The following NKAIN2 variants were observed in gnomAD, a reference collection of about 807,000 sequenced individuals.
NKAIN2 encodes the protein sodium/potassium-transporting ATPase subunit beta-1-interacting protein 2.
Under a neutral mutation model 32.6 loss-of-function variants are expected in NKAIN2, and 14 were observed. The ratio of observed to expected loss-of-function variants is 0.43; its 90% CI spans 0.28 to 0.67. The LOEUF is 0.67. Among genes scored for constraint, NKAIN2 ranks in the 30% least tolerant of loss-of-function variants. The pLI is 0.17. For synonymous variants in NKAIN2, 80 were observed against 87.2 expected, an observed-to-expected ratio of 0.92 and a Z score of 0.46; for missense variants, 198 against 258.3, an observed-to-expected ratio of 0.77 and a Z score of 1.60.
intron 1 of NKAIN2, among the ~76,000 whole-genome samples, chr6:124,197,079 C>A (rs1292413056): frequency 6.6e-6 from 1 of 151,254 alleles, no homozygotes; most frequent in African/African-American, 2.4e-5. Context: ...TTAAAATTTT[C>A]TTTATATATA....
chr6:124,028,886 T>G (rs553308833), intron 1 of NKAIN2, among the ~76,000 whole-genome samples: 1,913 of 28,032 alleles, frequency 0.068, 23 homozygotes, highest in Non-Finnish European at 0.098. Flanking sequence ...TATATATATG[T>G]GTATATATAT....
At chr6:124,159,127 A>G (rs1788141579) in intron 1 of NKAIN2, among the ~76,000 whole-genome samples, 1 of 152,138 alleles carries the variant, frequency 6.6e-6, no homozygotes, top group Admixed American at 6.5e-5. Flanking sequence ...TTCTCTATAC[A>G]TTTCCATATT....
At chr6:123,894,662 C>G (rs1186808960) in intron 1 of NKAIN2, among the ~76,000 whole-genome samples, 1 of 151,924 alleles carries the variant, frequency 6.6e-6, no homozygotes, top group Non-Finnish European at 1.5e-5. Context: ...GGGGGACTTT[C>G]CAGGAGATGA....
chr6:124,426,300 A>C (rs1215295955), intron 3 of NKAIN2, among the ~76,000 whole-genome samples: 4 of 152,310 alleles, frequency 2.6e-5, no homozygotes, highest in African/African-American at 9.6e-5. Flanking sequence ...ATAAGACACT[A>C]AAAACATGAT....
rs1776060137 is a variant in NKAIN2 at position 124,450,496 on chromosome 6, C to T, written c.273+95149C>T. Among the ~76,000 whole-genome samples the T allele has an allele frequency of 2.0e-5, 3 of 151,708 alleles. No individual in the cohort carries two copies. The South Asian group carries it at 6.2e-4, about 32-fold the overall frequency. On this transcript the variant is annotated intron_variant, in intron 3 of 6. Coordinates refer to ENST00000368417, the MANE Select transcript of NKAIN2 (RefSeq NM_001040214.3). Reference sequence around the variant, plus strand: ...ACATTAATAATCCAAATCAACACTGCCATAATAATACTGTTTTTTATTAAT... The same window carrying T: ...ACATTAATAATCCAAATCAACACTGTCATAATAATACTGTTTTTTATTAAT...
At chr6:124,302,514 T>C (rs1796330913) in intron 2 of NKAIN2, among the ~76,000 whole-genome samples, 1 of 152,170 alleles carries the variant, frequency 6.6e-6, no homozygotes, top group Non-Finnish European at 1.5e-5. Flanking sequence ...TGGGTAATGT[T>C]TTTTAAATTT....
chr6:124,196,722 A>C (rs1790333404), intron 1 of NKAIN2, among the ~76,000 whole-genome samples: 1 of 152,090 alleles, frequency 6.6e-6, no homozygotes, highest in African/African-American at 2.4e-5. Flanking sequence ...TATATTTGCA[A>C]ATTTAATTGA....
chr6:124,773,609 A>G (rs1170548424), intron 4 of NKAIN2, among the ~76,000 whole-genome samples: 1 of 152,176 alleles, frequency 6.6e-6, no homozygotes, highest in Non-Finnish European at 1.5e-5. Flanking sequence ...ACAAATTACA[A>G]GTTATATTCA....
chr6:124,058,002 C>T (rs1582552302), intron 1 of NKAIN2, among the ~76,000 whole-genome samples: 1 of 151,882 alleles, frequency 6.6e-6, no homozygotes, highest in African/African-American at 2.4e-5. Context: ...CAGTTGTAAT[C>T]GTGATTGTTT....
chr6:124,530,127 G>A (rs1779467400), intron 3 of NKAIN2, among the ~76,000 whole-genome samples: 1 of 152,156 alleles, frequency 6.6e-6, no homozygotes, highest in Non-Finnish European at 1.5e-5. Context: ...GCCCTGCACT[G>A]TCAAAAATCC....
intron 3 of NKAIN2, among the ~76,000 whole-genome samples, chr6:124,630,825 A>G (rs562673626): frequency 2.6e-5 from 4 of 152,302 alleles, no homozygotes; most frequent in South Asian, 2.1e-4. Context: ...CGAAGTAACA[A>G]TGTAGCACCA....
intron 1 of NKAIN2, among the ~76,000 whole-genome samples, chr6:124,264,498 A>G (rs1794396841): frequency 6.6e-6 from 1 of 152,242 alleles, no homozygotes; most frequent in Non-Finnish European, 1.5e-5. Flanking sequence ...CTAATTAAAA[A>G]TAAGTCTAAT....
chr6:123,884,304 A>C (rs1449449663), intron 1 of NKAIN2, among the ~76,000 whole-genome samples: 2 of 152,188 alleles, frequency 1.3e-5, no homozygotes, highest in Non-Finnish European at 2.9e-5. Flanking sequence ...GTAGCTGTAT[A>C]GTATTCCATG....
chr6:124,711,857 G>C (rs547613665), intron 4 of NKAIN2, among the ~76,000 whole-genome samples: 52 of 152,264 alleles, frequency 3.4e-4, no homozygotes, highest in African/African-American at 1.1e-3. Context: ...TTCCATTGCT[G>C]GTGAGGAACT....
Position 124,341,596 on chromosome 6 carries a change from A to T in NKAIN2, c.193-13671A>T, listed in dbSNP as rs1199898769. ...AAAACATCTATGCAAATATAAAATC[A>T]CAAGAAAGCTTGATCATATGACAGC... On this transcript the variant is annotated intron_variant, in intron 2 of 6. Transcript: ENST00000368417. Among the ~76,000 whole-genome samples the T allele has an allele frequency of 2.0e-5, 3 of 152,204 alleles. No homozygotes were observed. In the East Asian group the frequency reaches 5.8e-4, roughly 29 times the overall value.
intron 2 of NKAIN2, among the ~76,000 whole-genome samples, chr6:124,297,298 C>T (rs1796095222): frequency 6.6e-6 from 1 of 152,034 alleles, no homozygotes; most frequent in East Asian, 1.9e-4. Flanking sequence ...CATTTCATTT[C>T]TGATATGTGT....
intron 3 of NKAIN2, among the ~76,000 whole-genome samples, chr6:124,639,217 G>A (rs1259868563): frequency 6.6e-6 from 1 of 151,970 alleles, no homozygotes; most frequent in African/African-American, 2.4e-5. Flanking sequence ...TCTTCTACTG[G>A]GTATTACCAA....
At chr6:124,458,491 A>G (rs1412694072) in intron 3 of NKAIN2, among the ~76,000 whole-genome samples, 1 of 151,912 alleles carries the variant, frequency 6.6e-6, no homozygotes, top group Non-Finnish European at 1.5e-5. Flanking sequence ...TTAACTGGAA[A>G]TAAAATGACC....
intron 3 of NKAIN2, among the ~76,000 whole-genome samples, chr6:124,655,201 G>A (rs1784497859): frequency 6.6e-6 from 1 of 151,934 alleles, no homozygotes; most frequent in Non-Finnish European, 1.5e-5. Context: ...TGGGGCCATG[G>A]TATTCTTCAT....
Sources: gnomAD v4.1 joint callset for allele counts (sites outside exome capture counted in the v4.1 genomes callset) on GRCh38, gnomAD v4.1.1 for gene constraint, MANE v1.5 for transcripts, NCBI Gene and HGNC (gene_info 2026-07-23, HGNC 2026-07-21) for gene names.